DCDC1: variants seen among roughly 807,000 people sequenced by gnomAD.
DCDC1 encodes the protein doublecortin domain containing 1.
Under a neutral mutation model 178.3 loss-of-function variants are expected in DCDC1, and 200 were observed. That is an observed-to-expected ratio of 1.12 (90% confidence interval 1.00 to 1.26). DCDC1 has a LOEUF of 1.26. DCDC1 is among the 50% of genes most tolerant of loss of function. The probability of loss-of-function intolerance (pLI) is 0.00; values close to 1 mark genes in which losing one functional copy is unlikely to be tolerated. For synonymous variants in DCDC1, 690 were observed against 604.8 expected, an observed-to-expected ratio of 1.14 and a Z score of -2.07; for missense variants, 1,983 against 1,749.2, an observed-to-expected ratio of 1.13 and a Z score of -2.38.
intron 37 of DCDC1, 150 bp from the exon 38 acceptor site, chr11:30,878,861 C>A: frequency 1.5e-6 from 1 of 651,618 alleles, no homozygotes; most frequent in Non-Finnish European, 2.5e-6. Flanking sequence ...CTTCTTATCA[C>A]ATGAGATATA....
At chr11:31,245,860 G>T (rs769578252) in intron 8 of DCDC1, among the ~76,000 whole-genome samples, 1 of 151,854 alleles carries the variant, frequency 6.6e-6, no homozygotes, top group Non-Finnish European at 1.5e-5. Context: ...AACTGTTCAG[G>T]CTTCAAGAGG....
chr11:31,246,436 A>C (rs530271252), intron 8 of DCDC1, among the ~76,000 whole-genome samples: 2 of 151,830 alleles, frequency 1.3e-5, no homozygotes, highest in Non-Finnish European at 1.5e-5. Flanking sequence ...GACATTTGGG[A>C]ATTTCCCACC....
At chr11:31,241,340 A>T in intron 9 of DCDC1, 110 bp downstream of exon 9, 1 of 390,314 alleles carries the variant, frequency 2.6e-6, no homozygotes, top group Non-Finnish European at 4.5e-6. Flanking sequence ...CTGAGCTCAC[A>T]AAATACATGT....
At chr11:30,905,191 A>T in intron 30 of DCDC1, 27 bp from the exon 31 acceptor site, 2 of 1,547,260 alleles carry the variant, frequency 1.3e-6, no homozygotes, top group East Asian at 4.9e-5. Context: ...TAAATTGTAC[A>T]TTTACTCAAA....
chr11:31,270,330 T>C (rs1363095249), intron 7 of DCDC1, among the ~76,000 whole-genome samples: 1 of 152,260 alleles, frequency 6.6e-6, no homozygotes, highest in Non-Finnish European at 1.5e-5. Context: ...ATCATTTACA[T>C]ATCTTCTATG....
At chr11:31,036,533 A>T (rs1280767455) in intron 20 of DCDC1, among the ~76,000 whole-genome samples, 1 of 152,214 alleles carries the variant, frequency 6.6e-6, no homozygotes, top group Non-Finnish European at 1.5e-5. Context: ...ACCCCAAAAA[A>T]ATTCAAAAAT....
At chr11:31,367,814 T>A (rs1952039984) in intron 1 of DCDC1, among the ~76,000 whole-genome samples, 1 of 152,164 alleles carries the variant, frequency 6.6e-6, no homozygotes, top group Non-Finnish European at 1.5e-5. Flanking sequence ...AAATGAAAAA[T>A]GAAGGAAGCT....
At position 30,922,653 on chromosome 11, in the gene DCDC1, A is replaced by T; in HGVS notation, c.2998-15T>A. On this transcript the variant is annotated splice_polypyrimidine_tract_variant and intron_variant, in intron 23 of 38. Transcript: ENST00000684477. ...GAAACATACACCTATCAAACAAAGC[A>T]TCTCTTATCCTGTATATAATTGTCA... 6.6e-7 allele frequency: 1 copy of T among 1,517,660 alleles called. No individual in the cohort carries two copies. Among genetic ancestry groups the T allele is most frequent in the Non-Finnish European group, 8.8e-7 (1 of 1,140,206 alleles). 94.0% of individuals were successfully genotyped at this position (1,517,660 alleles called of 1,614,324 possible). A position where few individuals can be genotyped will look rare whatever the true frequency, so the allele number is the denominator to read the frequency against.
At chr11:30,943,877 G>A in intron 21 of DCDC1, 1 of 281,274 alleles carries the variant, frequency 3.6e-6, no homozygotes, top group Admixed American at 4.7e-5. Flanking sequence ...CCACTGAGAG[G>A]TACATAGTTT....
chr11:30,885,505 T>C (rs1943084312), intron 36 of DCDC1, among the ~76,000 whole-genome samples: 1 of 151,804 alleles, frequency 6.6e-6, no homozygotes, highest in African/African-American at 2.4e-5. Context: ...ATATGAAAAA[T>C]ATATATAATA....
intron 1 of DCDC1, among the ~76,000 whole-genome samples, chr11:31,341,955 G>A (rs962189522): frequency 6.6e-6 from 1 of 152,064 alleles, no homozygotes; most frequent in Non-Finnish European, 1.5e-5. Context: ...CTTTCCTGAA[G>A]CAAGGACCAA....
chr11:31,222,226 C>T (rs1974354282), intron 9 of DCDC1, among the ~76,000 whole-genome samples: 1 of 151,946 alleles, frequency 6.6e-6, no homozygotes, highest in Non-Finnish European at 1.5e-5. Context: ...CCAGGTCCAG[C>T]TAATTTTTTG....
chr11:30,962,919 T>C (rs1336917881), intron 20 of DCDC1, among the ~76,000 whole-genome samples: 1 of 152,082 alleles, frequency 6.6e-6, no homozygotes, highest in African/African-American at 2.4e-5. Context: ...CTCTACAAAG[T>C]GCAAGATTTG....
chr11:31,361,683 G>C (rs1161705098), intron 1 of DCDC1, among the ~76,000 whole-genome samples: 1 of 152,138 alleles, frequency 6.6e-6, no homozygotes, highest in African/African-American at 2.4e-5. Flanking sequence ...GTTTCACCAT[G>C]TTGGCCAGGC....
chr11:31,281,100 G>T (rs555209872), intron 7 of DCDC1: 1 of 386,872 alleles, frequency 2.6e-6, no homozygotes, highest in Admixed American at 3.2e-5. Context: ...CACTGACCTT[G>T]TATCCTGCAA....
chr11:31,090,892 T>A (rs1957782745), intron 17 of DCDC1, among the ~76,000 whole-genome samples: 1 of 152,130 alleles, frequency 6.6e-6, no homozygotes, highest in African/African-American at 2.4e-5. Flanking sequence ...TGGAGATAAA[T>A]CAACTTTCTT....
At chr11:30,963,446 G>T (rs923395931) in intron 20 of DCDC1, among the ~76,000 whole-genome samples, 1 of 151,954 alleles carries the variant, frequency 6.6e-6, no homozygotes, top group East Asian at 1.9e-4. Context: ...CTGGGTACAC[G>T]GCTACCCATC....
chr11:31,232,313 T>C (rs1488319133), intron 9 of DCDC1, among the ~76,000 whole-genome samples: 5 of 152,182 alleles, frequency 3.3e-5, no homozygotes, highest in Non-Finnish European at 7.3e-5. Context: ...AGGTTAATCA[T>C]CTAAAATATA....
chr11:30,892,848 G>T lies in DCDC1; in HGVS notation c.5052C>A (p.Gly1684=), dbSNP rs1160920020. The T allele has an allele frequency of 1.2e-6, 2 of 1,613,846 alleles. No homozygotes were observed. Among genetic ancestry groups the T allele is most frequent in the Admixed American group, 1.7e-5 (1 of 60,006 alleles). Residue 1684 remains glycine (G), a synonymous_variant, in exon 36 of 39, where the codon GGC becomes GGA. Transcript: ENST00000684477. ...IYLNGGRPED[G]TYAWGKTISE... is the part of the protein sequence containing the mutation. ...AAATAGTTTTGCCCCAGGCATAAGT[G>T]CCATCTTCAGGTCTGCCTCCATTTA...
Sources: gnomAD v4.1 joint callset for allele counts (sites outside exome capture counted in the v4.1 genomes callset) on GRCh38, gnomAD v4.1.1 for gene constraint, MANE v1.5 for transcripts, NCBI Gene and HGNC (gene_info 2026-07-23, HGNC 2026-07-21) for gene names.